The following RAB3IL1 variants were observed in gnomAD, a reference collection of about 807,000 sequenced individuals.
The protein encoded by RAB3IL1 is RAB3A interacting protein like 1, also known as guanine nucleotide exchange factor for Rab-3A.
A neutral mutation model predicts 49.2 loss-of-function variants in RAB3IL1; 37 were observed. That is an observed-to-expected ratio of 0.75 (90% confidence interval 0.58 to 0.99). The LOEUF (loss-of-function observed/expected upper bound fraction) is 0.99. Ranked by LOEUF, RAB3IL1 falls within the 50% of genes least tolerant of loss-of-function variation. The pLI is 0.00. For missense variants in RAB3IL1, 484 were observed against 513.0 expected (o/e 0.94, Z 0.55); for synonymous variants, 193 against 213.9 (o/e 0.90, Z 0.85).
chr11:61,911,028 C>G (rs1939432884), intron 1 of RAB3IL1, among the ~76,000 whole-genome samples: 1 of 152,266 alleles, frequency 6.6e-6, no homozygotes, highest in Non-Finnish European at 1.5e-5. Flanking sequence ...CTAACTCTCT[C>G]TCCTGCTGGT....
At chr11:61,899,248 G>C (rs763158218) in intron 9 of RAB3IL1, 66 bp downstream of exon 9, 1 of 1,519,260 alleles carries the variant, frequency 6.6e-7, no homozygotes, top group Non-Finnish European at 8.9e-7. Context: ...TGGGCCCAGA[G>C]GGCACTTCCC....
Position 61,908,170 on chromosome 11 carries a change from C to A in RAB3IL1, c.148G>T (p.Gly50Cys), listed in dbSNP as rs201272370. ...TGGGCGGCTGCGGGGCCCTCCTGGC[C>A]TTGGGCCTCCTCCCCTGCAGAGGTC... is the stretch of plus-strand genomic sequence containing the variant. ...VETSAGEEAQ[G>C]QEGPAAAQLD... Residue 50 changes from glycine (G) to cysteine (C), a missense_variant, in exon 2 of 10, where the codon GGC becomes TGC. Coordinates refer to ENST00000394836, the MANE Select transcript of RAB3IL1 (RefSeq NM_013401.4). The A allele has an allele frequency of 7.7e-6, 12 of 1,559,436 alleles. No homozygotes were observed. The East Asian group carries it at 2.6e-4, about 34-fold the overall frequency.
At chr11:61,938,582 T>G in the RAB3IL1 span, among the ~76,000 whole-genome samples, 1 of 152,118 alleles carries the variant, frequency 6.6e-6, no homozygotes, top group Non-Finnish European at 1.5e-5. Flanking sequence ...CTCAAAGTAT[T>G]TGAAGCAAAA....
chr11:61,921,251 G>A (rs965626475), upstream of RAB3IL1, among the ~76,000 whole-genome samples: 1 of 152,130 alleles, frequency 6.6e-6, no homozygotes, highest in Non-Finnish European at 1.5e-5. Flanking sequence ...ACAACTCAGC[G>A]GTAGCAGCTG....
intron 5 of RAB3IL1, among the ~76,000 whole-genome samples, chr11:61,905,694 G>A: frequency 6.6e-6 from 1 of 152,212 alleles, no homozygotes; most frequent in Non-Finnish European, 1.5e-5. Context: ...TGGAGACAGA[G>A]GTGGAAGCCA....
the RAB3IL1 span, chr11:61,945,743 G>A: frequency 1.0e-6 from 1 of 984,058 alleles, no homozygotes; most frequent in Non-Finnish European, 1.2e-6. Context: ...GTGGGGGTGG[G>A]TGGAAGGTGG....
chr11:61,927,737 GTTGT>G, the RAB3IL1 span, among the ~76,000 whole-genome samples: 1 of 150,680 alleles, frequency 6.6e-6, no homozygotes, highest in African/African-American at 2.4e-5. Context: ...ACAAGATCTG[GTTGT>G]TTAAGAGTCT....
chr11:61,898,226 G>C lies in RAB3IL1; in HGVS notation c.*52C>G. ...GTCTCCCTGTGTGTCGGCTTGTTCT[G>C]GGGTGGGTGTTTGCTCTGTCTCAGA... On this transcript the variant is annotated 3_prime_UTR_variant, in exon 10 of 10. Coordinates refer to ENST00000394836, the MANE Select transcript of RAB3IL1 (RefSeq NM_013401.4). This position sits in a 1 kb window ranked among gnomAD's most constrained non-coding sequence, Gnocchi z 5.1. 1 of 1,538,838 alleles carries C rather than the reference G, an allele frequency of 6.5e-7. No individual in the cohort carries two copies. Among genetic ancestry groups the C allele is most frequent in the East Asian group, 2.2e-5 (1 of 44,540 alleles).
At chr11:61,900,018 G>A (rs993023896) in intron 8 of RAB3IL1, among the ~76,000 whole-genome samples, 14 of 152,276 alleles carry the variant, frequency 9.2e-5, no homozygotes, top group African/African-American at 3.4e-4. Context: ...TCCCAGGCCC[G>A]GGCCCCATCT....
chr11:61,904,635 G>C lies in RAB3IL1; in HGVS notation c.810C>G (p.Ala270=). 1 of 1,612,214 alleles carries C rather than the reference G, an allele frequency of 6.2e-7. No individual in the cohort carries two copies. Among genetic ancestry groups the C allele is most frequent in the Non-Finnish European group, 8.5e-7 (1 of 1,179,324 alleles). Residue 270 remains alanine, a synonymous_variant, in exon 7 of 10, where the codon GCC becomes GCG. Coordinates refer to ENST00000394836, the MANE Select transcript of RAB3IL1 (RefSeq NM_013401.4). ...CAATGGTGAGCGTGTTGTCCTCCAC[G>C]GCGGCCCGTACCAGCACCGAGAGCT... ...MQELSVLVRA[A]VEDNTLTIEP...
chr11:61,899,318 C>T lies in RAB3IL1; in HGVS notation c.1062G>A (p.Gln354=). ...IRYIQQGLVR[Q]DAEPMFWEIM... ...CGGCCACCAGGGGGCGCTCACCGTC[C>T]TGCCGCACCAGGCCTTGCTGGATGT... The change falls in exon 9 of 10, where the codon CAG becomes CAA. Residue 354 remains glutamine, a synonymous_variant. Coordinates refer to ENST00000394836, the MANE Select transcript of RAB3IL1 (RefSeq NM_013401.4). 6.2e-7 allele frequency: 1 copy of T among 1,606,448 alleles called. No homozygotes were observed. The highest frequency in any genetic ancestry group is 1.1e-5 in the South Asian group (1 of 90,894).
the RAB3IL1 span, among the ~76,000 whole-genome samples, chr11:61,930,632 G>T: frequency 6.6e-6 from 1 of 152,054 alleles, no homozygotes; most frequent in African/African-American, 2.4e-5. Context: ...TCAAAAATTA[G>T]CCAGGCGTGG....
At chr11:61,927,604 G>C in the RAB3IL1 span, among the ~76,000 whole-genome samples, 1 of 152,148 alleles carries the variant, frequency 6.6e-6, no homozygotes, top group Non-Finnish European at 1.5e-5. Context: ...GTATGGTTTG[G>C]CTCTGCATCC....
the RAB3IL1 span, among the ~76,000 whole-genome samples, chr11:61,944,678 T>C: frequency 6.6e-6 from 1 of 152,220 alleles, no homozygotes; most frequent in Non-Finnish European, 1.5e-5. Flanking sequence ...TGTAGTTGTT[T>C]TGCCAGGATG....
chr11:61,916,510 G>T (rs1468209393), intron 1 of RAB3IL1, among the ~76,000 whole-genome samples: 1 of 152,134 alleles, frequency 6.6e-6, no homozygotes, highest in African/African-American at 2.4e-5. Context: ...TTTCCGGGGG[G>T]CTTCCCTCAC....
the RAB3IL1 span, chr11:61,945,836 T>C: frequency 1.0e-6 from 1 of 984,174 alleles, no homozygotes; most frequent in Non-Finnish European, 1.2e-6. Context: ...CCTCTTGCCT[T>C]GTGTCTCTAG....
At position 61,906,369 on chromosome 11, in the gene RAB3IL1, A is replaced by T; in HGVS notation, c.657+97T>A. ...AGGCGCAGGACAGGCTCCAGGTCAC[A>T]CAGCATGGGGCAGGCTGGTCCTCAC... On this transcript the variant is annotated intron_variant, in intron 5 of 9. Transcript: ENST00000394836. This position sits in a 1 kb window ranked among gnomAD's most constrained non-coding sequence, Gnocchi z 4.6. 8.7e-7 allele frequency: 1 copy of T among 1,150,956 alleles called. No individual in the cohort carries two copies. The highest frequency in any genetic ancestry group is 1.3e-6 in the Non-Finnish European group (1 of 799,860). 71.3% of individuals were successfully genotyped at this position (1,150,956 alleles called of 1,614,324 possible).
intron 1 of RAB3IL1, among the ~76,000 whole-genome samples, chr11:61,909,767 G>A (rs79825549): frequency 1.3e-5 from 2 of 152,212 alleles, no homozygotes; most frequent in African/African-American, 4.8e-5. Flanking sequence ...GACTCACTCT[G>A]CCAGACTCTT....
At chr11:61,946,008 G>A in the RAB3IL1 span, among the ~76,000 whole-genome samples, 5 of 152,128 alleles carry the variant, frequency 3.3e-5, no homozygotes, top group East Asian at 1.9e-4. Flanking sequence ...AGTTTACTCC[G>A]TCCTTCAGGG....
Sources: allele counts gnomAD v4.1 joint callset (sites outside exome capture counted in the v4.1 genomes callset), GRCh38; gene constraint gnomAD v4.1.1; non-coding constraint Gnocchi (gnomAD v3.1); transcripts MANE v1.5; gene names NCBI Gene and HGNC (gene_info 2026-07-23, HGNC 2026-07-21).